Variants in EFNA5 observed in about 807,000 individuals in gnomAD.
EFNA5 encodes ephrin-A5.
Under a neutral mutation model 22.9 loss-of-function variants are expected in EFNA5, and 5 were observed. The observed-to-expected ratio is 0.22, with a 90% CI of 0.11 to 0.46. EFNA5 has a LOEUF of 0.46. Among genes scored for constraint, EFNA5 ranks in the 20% least tolerant of loss-of-function variants. The pLI is 0.99. For missense variants in EFNA5, 237 were observed against 293.3 expected (o/e 0.81, Z 1.40); for synonymous variants, 113 against 112.2 (o/e 1.01, Z -0.04).
chr5:107,625,822 A>G (rs191455917), intron 1 of EFNA5, among the ~76,000 whole-genome samples: 2 of 152,310 alleles, frequency 1.3e-5, no homozygotes, highest in East Asian at 3.9e-4. Flanking sequence ...TATAACTCAG[A>G]AATCCCTGTC....
At chr5:107,478,321 G>A (rs977672252) in intron 1 of EFNA5, among the ~76,000 whole-genome samples, 1 of 152,176 alleles carries the variant, frequency 6.6e-6, no homozygotes, top group African/African-American at 2.4e-5. Context: ...TTAGTTGCTT[G>A]CTCAAATTTA....
chr5:107,487,117 T>C (rs1471138015), intron 1 of EFNA5, among the ~76,000 whole-genome samples: 1 of 152,210 alleles, frequency 6.6e-6, no homozygotes, highest in African/African-American at 2.4e-5. Flanking sequence ...AATGTTATTT[T>C]TGCCCACTAG....
At chr5:107,548,472 A>C (rs1357128632) in intron 1 of EFNA5, among the ~76,000 whole-genome samples, 1 of 152,234 alleles carries the variant, frequency 6.6e-6, no homozygotes, top group East Asian at 1.9e-4. Flanking sequence ...GGAATGCTGT[A>C]GATATACCTT....
chr5:107,385,452 A>C (rs1747589409), intron 4 of EFNA5, among the ~76,000 whole-genome samples: 1 of 152,188 alleles, frequency 6.6e-6, no homozygotes. Flanking sequence ...AGAGATCATA[A>C]TCCTGGGTAA....
chr5:107,474,800 G>A (rs372674019), intron 1 of EFNA5, among the ~76,000 whole-genome samples: 1 of 152,192 alleles, frequency 6.6e-6, no homozygotes, highest in East Asian at 1.9e-4. Flanking sequence ...CCAGAGGCAA[G>A]AAGAAGCCCC....
chr5:107,654,572 C>T (rs1251386519), intron 1 of EFNA5, among the ~76,000 whole-genome samples: 2 of 152,102 alleles, frequency 1.3e-5, no homozygotes, highest in African/African-American at 4.8e-5. Flanking sequence ...ATTCCATTCA[C>T]ATTTTGCAAC....
intron 1 of EFNA5, among the ~76,000 whole-genome samples, chr5:107,573,898 C>T (rs1179134170): frequency 1.3e-5 from 2 of 152,206 alleles, no homozygotes; most frequent in Non-Finnish European, 2.9e-5. Flanking sequence ...CCTGTGTCCA[C>T]AAGAGGCTAA....
chr5:107,603,676 T>C (rs1482079634), intron 1 of EFNA5, among the ~76,000 whole-genome samples: 1 of 152,240 alleles, frequency 6.6e-6, no homozygotes, highest in East Asian at 1.9e-4. Flanking sequence ...GTACGTTTAC[T>C]GAGAGCAAAG....
chr5:107,379,150 G>A lies in EFNA5; in HGVS notation c.*2105C>T, dbSNP rs1446327312. On this transcript the variant is annotated 3_prime_UTR_variant, in exon 5 of 5. Transcript: ENST00000333274. ...CTCCAGAGGAGTTCCTTATGTCAGAGGGGAATAGGATTGATTGTATCTGTG... is the reference window on the plus strand; with the variant it reads ...CTCCAGAGGAGTTCCTTATGTCAGAAGGGAATAGGATTGATTGTATCTGTG... The A allele has an allele frequency of 6.6e-6, 1 of 152,170 alleles. No homozygotes were observed. The highest frequency in any genetic ancestry group is 2.4e-5 in the African/African-American group (1 of 41,436). The allele number at this position is 152,170 out of a possible 1,614,324, so 9.4% of individuals were successfully genotyped here. A position where few individuals can be genotyped will look rare whatever the true frequency, so the allele number is the denominator to read the frequency against.
chr5:107,391,419 C>T (rs182053871), intron 2 of EFNA5, among the ~76,000 whole-genome samples: 1 of 152,184 alleles, frequency 6.6e-6, no homozygotes, highest in Non-Finnish European at 1.5e-5. Flanking sequence ...ACAGGTCCTC[C>T]AGAAGCTAAC....
At chr5:107,522,601 C>T (rs929252631) in intron 1 of EFNA5, among the ~76,000 whole-genome samples, 30 of 152,050 alleles carry the variant, frequency 2.0e-4, no homozygotes, top group Admixed American at 1.9e-3. Context: ...TTTAGAGACA[C>T]GATCTCACTT....
Position 107,670,458 on chromosome 5 carries a change from AGCCCTGGCTCTCC to A in EFNA5, c.125+18_125+30del, listed in dbSNP as rs763144080. On this transcript the variant is annotated intron_variant, in intron 1 of 4. Coordinates refer to ENST00000333274, the MANE Select transcript of EFNA5 (RefSeq NM_001962.3). ...TTCCGCAGGGCCCCGAGGCCCGGGT[AGCCCTGGCTCTCC>A]GCCTGTTATCGGCTTACCTGGGGTT... 6.5e-7 allele frequency: 1 copy of A among 1,541,732 alleles called. No individual in the cohort carries two copies. Among genetic ancestry groups the A allele is most frequent in the Admixed American group, 2.0e-5 (1 of 50,274 alleles).
chr5:107,622,397 T>C (rs571064001), intron 1 of EFNA5, among the ~76,000 whole-genome samples: 2 of 152,288 alleles, frequency 1.3e-5, no homozygotes, highest in African/African-American at 2.4e-5. Context: ...ATCTGGATAT[T>C]TGAGTATGGG....
At chr5:107,544,539 A>G (rs1164485484) in intron 1 of EFNA5, among the ~76,000 whole-genome samples, 2 of 152,356 alleles carry the variant, frequency 1.3e-5, no homozygotes, top group East Asian at 3.9e-4. Flanking sequence ...CAAATTACAC[A>G]AAAGTAGCAC....
chr5:107,508,398 C>A (rs1561416990), intron 1 of EFNA5, among the ~76,000 whole-genome samples: 2 of 152,208 alleles, frequency 1.3e-5, no homozygotes, highest in Non-Finnish European at 2.9e-5. Flanking sequence ...CAAACACACA[C>A]ACAGACGAAT....
intron 1 of EFNA5, among the ~76,000 whole-genome samples, chr5:107,429,339 G>A (rs182888335): frequency 2.0e-5 from 3 of 152,264 alleles, no homozygotes; most frequent in South Asian, 2.1e-4. Flanking sequence ...CCAGCTACTC[G>A]GAAGGCTGAG....
chr5:107,594,911 G>C (rs1749443707), intron 1 of EFNA5, among the ~76,000 whole-genome samples: 2 of 152,290 alleles, frequency 1.3e-5, no homozygotes, highest in South Asian at 2.1e-4. Context: ...TACCAAAGCA[G>C]ACCTTCTGGC....
chr5:107,663,650 T>A (rs976359789), intron 1 of EFNA5, among the ~76,000 whole-genome samples: 1 of 152,136 alleles, frequency 6.6e-6, no homozygotes, highest in African/African-American at 2.4e-5. Flanking sequence ...TCAACTGTAC[T>A]TGACTTTTTA....
At chr5:107,383,483 A>ATGT (rs1358864784) in intron 4 of EFNA5, among the ~76,000 whole-genome samples, 1 of 152,206 alleles carries the variant, frequency 6.6e-6, no homozygotes, top group Non-Finnish European at 1.5e-5. Flanking sequence ...GAGCACCAAT[A>ATGT]TGTTGTCAAT....
Sources: allele counts gnomAD v4.1 joint callset (sites outside exome capture counted in the v4.1 genomes callset), GRCh38; gene constraint gnomAD v4.1.1; transcripts MANE v1.5; gene names NCBI Gene and HGNC (gene_info 2026-07-23, HGNC 2026-07-21).